The following NRP2 variants were observed in gnomAD, a reference collection of about 807,000 sequenced individuals.
NRP2 encodes the protein neuropilin 2.
A neutral mutation model predicts 110.4 loss-of-function variants in NRP2; 52 were observed. That is an observed-to-expected ratio of 0.47 (90% CI 0.38 to 0.59). NRP2 has a LOEUF of 0.59. Ranked by LOEUF, NRP2 falls within the 20% of genes least tolerant of loss-of-function variation. The pLI, the probability that NRP2 is intolerant of heterozygous loss-of-function variation, is 0.00. For synonymous variants in NRP2, 508 were observed against 468.9 expected (o/e 1.08, Z -1.08); for missense variants, 1,049 against 1,203.0 (o/e 0.87, Z 1.89).
chr2:205,732,874 T>C (rs2057267248), intron 7 of NRP2, among the ~76,000 whole-genome samples: 1 of 151,588 alleles, frequency 6.6e-6, no homozygotes, highest in Non-Finnish European at 1.5e-5. Context: ...AGGAAAAACC[T>C]TTTTTTTAAA....
At chr2:205,792,369 C>A (rs752224111) in intron 16 of NRP2, 84 bp downstream of exon 16, 1 of 945,680 alleles carries the variant, frequency 1.1e-6, no homozygotes. Flanking sequence ...CTCTGGGTAT[C>A]GGAGGGCCCA....
intron 1 of NRP2, among the ~76,000 whole-genome samples, chr2:205,696,194 G>T (rs2056422007): frequency 6.6e-6 from 1 of 152,184 alleles, no homozygotes; most frequent in South Asian, 2.1e-4. Flanking sequence ...AGCCTGTCAG[G>T]CCGGTAGTCT....
intron 10 of NRP2, among the ~76,000 whole-genome samples, 155 bp downstream of exon 10, chr2:205,746,045 T>C (rs549685168): frequency 6.6e-6 from 1 of 152,340 alleles, no homozygotes; most frequent in African/African-American, 2.4e-5. Context: ...AGACCACGGG[T>C]ACTGCAGCCT....
At chr2:205,723,165 C>G (rs1324701885) in intron 4 of NRP2, among the ~76,000 whole-genome samples, 3 of 152,120 alleles carry the variant, frequency 2.0e-5, no homozygotes, top group Non-Finnish European at 2.9e-5. Context: ...ATCATTATTA[C>G]TATAATTTTA....
intron 1 of NRP2, among the ~76,000 whole-genome samples, chr2:205,685,004 C>T (rs2056111629): frequency 6.6e-6 from 1 of 151,902 alleles, no homozygotes; most frequent in Admixed American, 6.6e-5. Context: ...CTTCAGGTTC[C>T]GTGTGCTGTG....
At chr2:205,699,004 C>A (rs1345927278) in intron 2 of NRP2, among the ~76,000 whole-genome samples, 2 of 152,210 alleles carry the variant, frequency 1.3e-5, no homozygotes, top group Non-Finnish European at 2.9e-5. Flanking sequence ...TTATTATCCC[C>A]CTAGGGCTAA....
In NRP2 at chr2:205,683,383, T is replaced by C; in HGVS notation, c.73+20T>C. 1.9e-6 allele frequency: 3 copies of C among 1,578,988 alleles called. No individual in the cohort carries two copies. Among genetic ancestry groups the C allele is most frequent in the Non-Finnish European group, 2.6e-6 (3 of 1,148,160 alleles). ...AACCAGGTAAGCCACTGAAAGTTTT[T>C]CTATTTATTGCAACATGGTTTCCCC... On this transcript the variant is annotated intron_variant, in intron 1 of 16. Coordinates refer to ENST00000357785, the MANE Select transcript of NRP2 (RefSeq NM_003872.3).
chr2:205,690,840 G>C (rs956379227), intron 1 of NRP2, among the ~76,000 whole-genome samples: 11 of 152,094 alleles, frequency 7.2e-5, no homozygotes, highest in Admixed American at 6.5e-4. Context: ...ATTATTATCT[G>C]CTTTAGGGTG....
At chr2:205,791,299 G>C (rs919735457) in intron 15 of NRP2, among the ~76,000 whole-genome samples, 10 of 152,230 alleles carry the variant, frequency 6.6e-5, no homozygotes, top group Non-Finnish European at 1.3e-4. Flanking sequence ...ACAAAACTCT[G>C]AGAGGGCCAT....
At chr2:205,752,318 AAACAAGCCT>A in intron 11 of NRP2, 30 of 203,428 alleles carry the variant, frequency 1.5e-4, no homozygotes, top group East Asian at 3.8e-4. Flanking sequence ...GAAGTGTAGC[AAACAAGCCT>A]TCCTTGTTTC....
chr2:205,702,408 C>T (rs1462713407), intron 2 of NRP2, among the ~76,000 whole-genome samples: 1 of 152,214 alleles, frequency 6.6e-6, no homozygotes, highest in Non-Finnish European at 1.5e-5. Context: ...GGGGAGTGAT[C>T]CCCAAGTGAC....
chr2:205,706,022 A>G (rs943584689), intron 2 of NRP2, among the ~76,000 whole-genome samples: 2 of 151,874 alleles, frequency 1.3e-5, no homozygotes, highest in Non-Finnish European at 2.9e-5. Flanking sequence ...CTCTCAGTCC[A>G]TCGTCTCTCT....
chr2:205,776,585 G>A lies in NRP2; in HGVS notation c.2425+9782G>A, dbSNP rs1478407516. The stretch of plus-strand genomic sequence containing the variant: ...AGAAAGACTGCAAACATGTTGCCTC[G>A]ATTTTGCACTTTTTTCTCCTCGCCT... On this transcript the variant is annotated intron_variant, in intron 15 of 16. Coordinates refer to ENST00000357785, the MANE Select transcript of NRP2 (RefSeq NM_003872.3). 1.6e-5 allele frequency: 25 copies of A among 1,599,318 alleles called. No individual in the cohort carries two copies. The Admixed American group carries it at 3.3e-4, about 21-fold the overall frequency.
At chr2:205,789,884 A>G (rs2058279200) in intron 15 of NRP2, among the ~76,000 whole-genome samples, 1 of 152,232 alleles carries the variant, frequency 6.6e-6, no homozygotes, top group Admixed American at 6.5e-5. Context: ...TCTTAATCAA[A>G]CACAGATATC....
intron 12 of NRP2, chr2:205,760,962 A>G (rs1298175332): frequency 2.0e-5 from 3 of 152,190 alleles, no homozygotes; most frequent in African/African-American, 7.2e-5. Flanking sequence ...GGTTTCCTTT[A>G]TATATGAGGT....
intron 12 of NRP2, among the ~76,000 whole-genome samples, chr2:205,757,221 C>A (rs947979523): frequency 6.6e-6 from 1 of 152,164 alleles, no homozygotes; most frequent in Admixed American, 6.5e-5. Context: ...GGGAACAGAA[C>A]CTTTACTCTA....
chr2:205,766,694 A>C, intron 14 of NRP2, 89 bp from the exon 15 acceptor site: 3 of 1,176,366 alleles, frequency 2.6e-6, no homozygotes, highest in Non-Finnish European at 3.8e-6. Context: ...AGTCATGTTT[A>C]TCATCATATT....
At chr2:205,692,404 G>C (rs2056332056) in intron 1 of NRP2, among the ~76,000 whole-genome samples, 2 of 152,182 alleles carry the variant, frequency 1.3e-5, no homozygotes, top group African/African-American at 4.8e-5. Flanking sequence ...TCCAGCCTCA[G>C]CTCACAGAAA....
At chr2:205,751,180 T>C (rs1364493424) in intron 11 of NRP2, among the ~76,000 whole-genome samples, 3 of 152,178 alleles carry the variant, frequency 2.0e-5, no homozygotes, top group South Asian at 2.1e-4. Context: ...AGTTAGCTTG[T>C]TGGGGGACCT....
Sources: allele counts gnomAD v4.1 joint callset (sites outside exome capture counted in the v4.1 genomes callset), GRCh38; gene constraint gnomAD v4.1.1; transcripts MANE v1.5; gene names NCBI Gene and HGNC (gene_info 2026-07-23, HGNC 2026-07-21).